Variants in EHD2 observed in about 807,000 individuals in gnomAD.
EHD2 encodes the protein EH domain containing 2, also known as EH domain-containing protein 2.
A neutral mutation model predicts 41.0 loss-of-function variants in EHD2; 27 were observed. That is an observed-to-expected ratio of 0.66 (90% CI 0.49 to 0.91). The LOEUF is 0.91. EHD2 is among the 40% of genes least tolerant of loss of function. The pLI is 0.00. For synonymous variants in EHD2, 342 were observed against 341.0 expected (o/e 1.00, Z -0.03); for missense variants, 673 against 773.9 (o/e 0.87, Z 1.55).
chr19:47,716,612 C>A lies in EHD2; in HGVS notation c.-1C>A. ...AACCCCGTGAGCGGTGTGCAGCCAC[C>A]ATGTTCAGCTGGCTGAAGCGGGGCG... On this transcript the variant is annotated 5_prime_UTR_variant, in exon 2 of 6. Transcript: ENST00000263277. The A allele has an allele frequency of 1.3e-6, 2 of 1,520,518 alleles. No homozygotes were observed. Among genetic ancestry groups the A allele is most frequent in the Non-Finnish European group, 8.8e-7 (1 of 1,136,216 alleles). The allele number at this position is 1,520,518 out of a possible 1,614,324, so 94.2% of individuals were successfully genotyped here. A position where few individuals can be genotyped will look rare whatever the true frequency, so the allele number is the denominator to read the frequency against.
chr19:47,715,995 C>T (rs143596922), intron 1 of EHD2, among the ~76,000 whole-genome samples: 1 of 151,616 alleles, frequency 6.6e-6, no homozygotes, highest in Non-Finnish European at 1.5e-5. Context: ...TCTCAAACTC[C>T]TGACCTCAGG....
At chr19:47,735,828 C>T (rs1966915587) in intron 4 of EHD2, among the ~76,000 whole-genome samples, 2 of 151,812 alleles carry the variant, frequency 1.3e-5, no homozygotes, top group African/African-American at 4.8e-5. Flanking sequence ...ATTGCTTGAA[C>T]CCAGGAGTTG....
rs1966990629 is a variant in EHD2 at position 47,741,531 on chromosome 19, G to A, written c.*99G>A. On this transcript the variant is annotated 3_prime_UTR_variant, in exon 6 of 6. Transcript: ENST00000263277. This position sits in a 1 kb window ranked among gnomAD's most constrained non-coding sequence, Gnocchi z 4.5. ...CACACACGCCCTGCCTGCCCTCCCTGCCCAGCTGTAAGGACCGGGGGTCTC... is the reference window on the plus strand; with the variant it reads ...CACACACGCCCTGCCTGCCCTCCCTACCCAGCTGTAAGGACCGGGGGTCTC... The A allele has an allele frequency of 7.3e-7, 1 of 1,376,702 alleles. No individual in the cohort carries two copies. The highest frequency in any genetic ancestry group is 2.4e-5 in the Admixed American group (1 of 41,266). 85.3% of individuals were successfully genotyped at this position (1,376,702 alleles called of 1,614,324 possible).
intron 3 of EHD2, among the ~76,000 whole-genome samples, chr19:47,722,205 C>T (rs933354765): frequency 3.3e-5 from 5 of 152,254 alleles, no homozygotes; most frequent in Non-Finnish European, 7.4e-5. Flanking sequence ...GGGTGAGTGC[C>T]GTTGTGGGCC....
chr19:47,732,567 G>A (rs1223455795), intron 4 of EHD2, among the ~76,000 whole-genome samples: 1 of 151,634 alleles, frequency 6.6e-6, no homozygotes, highest in African/African-American at 2.4e-5. Flanking sequence ...CTATAGGCGC[G>A]CGCCAGTACA....
chr19:47,716,449 GCTC>G (rs560345686), intron 1 of EHD2, 106 bp from the exon 2 acceptor site: 620 of 680,682 alleles, frequency 9.1e-4, no homozygotes, highest in Middle Eastern at 3.9e-3. Context: ...AAATATCTGT[GCTC>G]CTCCTCCTCC....
At chr19:47,720,951 C>T (rs569808525) in intron 3 of EHD2, among the ~76,000 whole-genome samples, 37 of 151,526 alleles carry the variant, frequency 2.4e-4, no homozygotes, top group East Asian at 1.7e-3. Context: ...TATGTGTGTG[C>T]GACTGTGTCT....
At chr19:47,734,979 G>A (rs1024809195) in intron 4 of EHD2, among the ~76,000 whole-genome samples, 1 of 152,120 alleles carries the variant, frequency 6.6e-6, no homozygotes, top group Admixed American at 6.6e-5. Flanking sequence ...CTTGAACCCG[G>A]AGGTGGAGGT....
chr19:47,728,919 C>A (rs567945411), intron 4 of EHD2, among the ~76,000 whole-genome samples: 1 of 151,156 alleles, frequency 6.6e-6, no homozygotes, highest in Admixed American at 6.6e-5. Context: ...GTGCCCGGAA[C>A]AGAATTGGTG....
In EHD2 at chr19:47,719,946, ATGTGTGTG is replaced by A. The variant is rs59665711; in HGVS notation, c.502+1357_502+1364del. Among the ~76,000 whole-genome samples, 1 of 146,940 alleles carries A rather than the reference ATGTGTGTG, an allele frequency of 6.8e-6. No homozygotes were observed. The highest frequency in any genetic ancestry group is 1.5e-5 in the Non-Finnish European group (1 of 66,896). On this transcript the variant is annotated intron_variant, in intron 3 of 5. Coordinates refer to ENST00000263277, the MANE Select transcript of EHD2 (RefSeq NM_014601.4). This position sits in a 1 kb window ranked among gnomAD's most constrained non-coding sequence, Gnocchi z 4.1. The stretch of plus-strand genomic sequence containing the variant: ...AGAGTGTCCAGCTGTTGGTGTGTAT[ATGTGTGTG>A]TGTGTGTGTGTGTGTGACTTTGTGT...
At chr19:47,734,794 T>A (rs898334571) in intron 4 of EHD2, among the ~76,000 whole-genome samples, 4 of 151,860 alleles carry the variant, frequency 2.6e-5, no homozygotes, top group Non-Finnish European at 5.9e-5. Flanking sequence ...GGCTCCCGCC[T>A]GTCATCCCAG....
At position 47,726,146 on chromosome 19, in the gene EHD2, C is replaced by T. The variant is rs781274712; in HGVS notation, c.837C>T (p.Phe279=). 5.1e-6 allele frequency: 8 copies of T among 1,582,942 alleles called. No individual in the cohort carries two copies. The East Asian group carries it at 1.8e-4, about 36-fold the overall frequency. Residue 279 remains phenylalanine, a synonymous_variant, in exon 4 of 6, where the codon TTC becomes TTT. Transcript: ENST00000263277. ...TCGAGCTGGAGGAGCAGGACCTCTT[C>T]CGCGACATCCAGGGCCTGCCCCGGC... ...RLFELEEQDL[F]RDIQGLPRHA... is the part of the protein sequence containing the mutation.
chr19:47,726,301 C>T, intron 4 of EHD2, 77 bp downstream of exon 4: 8 of 1,427,766 alleles, frequency 5.6e-6, no homozygotes, highest in Non-Finnish European at 6.5e-6. Flanking sequence ...CTGTGAGTCC[C>T]TGACTTATCA....
intron 4 of EHD2, among the ~76,000 whole-genome samples, chr19:47,734,476 G>C (rs769001369): frequency 6.6e-6 from 1 of 152,202 alleles, no homozygotes; most frequent in Non-Finnish European, 1.5e-5. Flanking sequence ...TCAAGAGCTG[G>C]GTACCGTGGC....
rs1006684929 is a variant in EHD2, at chr19:47,725,985, A to C, written c.676A>C (p.Thr226Pro). ...GCTCAACAAGGCCGACATGGTGGAG[A>C]CGCAGCAGCTGATGCGCGTCTACGG... ...VVLNKADMVE[T>P]QQLMRVYGAL... is the part of the protein sequence containing the mutation. Residue 226 changes from threonine to proline, a missense_variant, in exon 4 of 6, where the codon ACG becomes CCG. Coordinates refer to ENST00000263277, the MANE Select transcript of EHD2 (RefSeq NM_014601.4). 1.2e-6 allele frequency: 2 copies of C among 1,611,716 alleles called. No individual in the cohort carries two copies. The highest frequency in any genetic ancestry group is 1.7e-6 in the Non-Finnish European group (2 of 1,178,304).
chr19:47,732,388 G>A (rs931475014), intron 4 of EHD2, among the ~76,000 whole-genome samples: 4 of 151,992 alleles, frequency 2.6e-5, no homozygotes, highest in African/African-American at 9.7e-5. Context: ...CAAAGTGCTG[G>A]GATTACAGGC....
chr19:47,733,751 C>CAAAA (rs34254815), intron 4 of EHD2, among the ~76,000 whole-genome samples: 2,196 of 57,094 alleles, frequency 0.038, 184 homozygotes, highest in African/African-American at 0.11. Context: ...GACTCTGTCT[C>CAAAA]AAAAAAAAAA....
At chr19:47,721,173 GTGT>G (rs767878692) in intron 3 of EHD2, among the ~76,000 whole-genome samples, 8,924 of 120,716 alleles carry the variant, frequency 0.074, 630 homozygotes, top group African/African-American at 0.24. Flanking sequence ...GGGTGTGTGT[GTGT>G]GTGTGTGTGT....
At chr19:47,724,866 C>A (rs187121200) in intron 3 of EHD2, among the ~76,000 whole-genome samples, 2 of 151,582 alleles carry the variant, frequency 1.3e-5, no homozygotes, top group Non-Finnish European at 2.9e-5. Flanking sequence ...ATCCCAGCTA[C>A]TCGGGAGGCT....
Sources: allele counts gnomAD v4.1 joint callset (sites outside exome capture counted in the v4.1 genomes callset), GRCh38; gene constraint gnomAD v4.1.1; non-coding constraint Gnocchi (gnomAD v3.1); transcripts MANE v1.5; gene names NCBI Gene and HGNC (gene_info 2026-07-23, HGNC 2026-07-21).